The following USP34 variants were observed in gnomAD, a reference collection of about 807,000 sequenced individuals.
USP34 encodes ubiquitin specific peptidase 34, also known as ubiquitin carboxyl-terminal hydrolase 34.
USP34 carries 70 observed loss-of-function variants against 460.3 expected under a neutral mutation model. The observed-to-expected ratio is 0.15, with a 90% confidence interval of 0.13 to 0.19. The LOEUF is 0.19. USP34 is among the 10% of genes least tolerant of loss of function. USP34 has a pLI of 1.00. For missense variants in USP34, 3,985 were observed against 4,236.2 expected (o/e 0.94, Z 1.65); for synonymous variants, 1,647 against 1,405.3 (o/e 1.17, Z -3.85).
chr2:61,260,144 A>C (rs959167789), intron 43 of USP34, among the ~76,000 whole-genome samples: 1 of 152,234 alleles, frequency 6.6e-6, no homozygotes, highest in East Asian at 1.9e-4. Flanking sequence ...AATACATTTG[A>C]AATATTAACC....
intron 43 of USP34, among the ~76,000 whole-genome samples, chr2:61,261,996 CAGG>C (rs1688893692): frequency 6.8e-6 from 1 of 146,144 alleles, no homozygotes; most frequent in South Asian, 2.1e-4. Context: ...GAGGCTGAGG[CAGG>C]AGAACTGCCG....
rs1691914626 is a variant in USP34, at chr2:61,350,546, TATC to T, written c.1377+19_1377+21del. 1 of 1,567,844 alleles carries T rather than the reference TATC, an allele frequency of 6.4e-7. No individual in the cohort carries two copies. Among genetic ancestry groups the T allele is most frequent in the Admixed American group, 2.1e-5 (1 of 47,384 alleles). On this transcript the variant is annotated intron_variant, in intron 11 of 79. Coordinates refer to ENST00000398571, the MANE Select transcript of USP34 (RefSeq NM_014709.4). ...TCACTTCACGGGAAAAAAAAAAAAC[TATC>T]ATGTTTTGAATGTATTACCTGTTCA... is the stretch of plus-strand genomic sequence containing the variant.
At chr2:61,221,706 G>T in intron 65 of USP34, 100 bp from the exon 66 acceptor site, 1 of 1,097,532 alleles carries the variant, frequency 9.1e-7, no homozygotes, top group Non-Finnish European at 1.3e-6. Context: ...ATTTAAATCT[G>T]TGTTAGGGAA....
chr2:61,319,400 A>G, intron 21 of USP34, 73 bp from the exon 22 acceptor site: 1 of 1,129,424 alleles, frequency 8.9e-7, no homozygotes, highest in Non-Finnish European at 1.2e-6. Flanking sequence ...AGGCATGTGT[A>G]TGTACAGTAA....
At chr2:61,415,213 G>T (rs1558581204) in intron 2 of USP34, among the ~76,000 whole-genome samples, 1 of 152,114 alleles carries the variant, frequency 6.6e-6, no homozygotes, top group East Asian at 1.9e-4. Context: ...GATCTGAAGA[G>T]AAGGTAGTAA....
intron 16 of USP34, among the ~76,000 whole-genome samples, chr2:61,341,755 C>CTTTTTTTTTTTTTT (rs896288474): frequency 2.2e-5 from 2 of 91,752 alleles, no homozygotes; most frequent in African/African-American, 8.3e-5. Flanking sequence ...TCAGGTCTTT[C>CTTTTTTTTTTTTTT]TTTTTTTTTT....
chr2:61,401,715 ATTTT>A (rs79669039), intron 3 of USP34, among the ~76,000 whole-genome samples: 1 of 133,814 alleles, frequency 7.5e-6, no homozygotes, highest in Non-Finnish European at 1.6e-5. Context: ...CGCCCTGCTA[ATTTT>A]TTTTTTTTTT....
intron 1 of USP34, among the ~76,000 whole-genome samples, chr2:61,430,132 G>A (rs890680197): frequency 4.0e-5 from 6 of 151,398 alleles, no homozygotes; most frequent in Admixed American, 1.3e-4. Flanking sequence ...GGAGAATGGC[G>A]TGGACCCGAG....
intron 23 of USP34, among the ~76,000 whole-genome samples, chr2:61,315,605 C>T (rs1439291656): frequency 6.6e-6 from 1 of 151,968 alleles, no homozygotes; most frequent in Non-Finnish European, 1.5e-5. Flanking sequence ...GAACTCCCAA[C>T]CTCAGCTGAT....
At chr2:61,383,181 G>T in intron 6 of USP34, 88 bp downstream of exon 6, 2 of 909,836 alleles carry the variant, frequency 2.2e-6, no homozygotes, top group Non-Finnish European at 1.6e-6. Flanking sequence ...ATGACTATAG[G>T]GGACTTTCAA....
chr2:61,276,089 C>T (rs1689364392), intron 41 of USP34, among the ~76,000 whole-genome samples: 2 of 151,914 alleles, frequency 1.3e-5, no homozygotes, highest in Non-Finnish European at 2.9e-5. Flanking sequence ...GGAAAGAAAC[C>T]CATTCACCAA....
At chr2:61,390,236 C>A (rs1275403701) in intron 5 of USP34, among the ~76,000 whole-genome samples, 1 of 152,154 alleles carries the variant, frequency 6.6e-6, no homozygotes, top group Non-Finnish European at 1.5e-5. Flanking sequence ...CTATTGGATT[C>A]TTTATAAATT....
chr2:61,279,822 T>C (rs960061937), intron 39 of USP34, among the ~76,000 whole-genome samples: 6 of 152,200 alleles, frequency 3.9e-5, no homozygotes, highest in African/African-American at 1.4e-4. Context: ...TTTAGTCCAG[T>C]ATAAGAAAAT....
At chr2:61,227,477 G>C (rs564196907) in intron 61 of USP34, among the ~76,000 whole-genome samples, 93 of 152,146 alleles carry the variant, frequency 6.1e-4, no homozygotes, top group Non-Finnish European at 1.1e-3. Context: ...TTGGAAGGCT[G>C]AGGCGGGTGG....
chr2:61,282,452 T>A (rs1689562969), intron 37 of USP34, among the ~76,000 whole-genome samples: 1 of 152,200 alleles, frequency 6.6e-6, no homozygotes, highest in South Asian at 2.1e-4. Context: ...AATATATTTC[T>A]TTTATTTATT....
chr2:61,435,453 C>G (rs968854125), intron 1 of USP34, among the ~76,000 whole-genome samples: 1 of 149,894 alleles, frequency 6.7e-6, no homozygotes, highest in African/African-American at 2.5e-5. Context: ...AGTTAAAGTA[C>G]TAAAAAAAAA....
At chr2:61,309,629 C>G (rs1690524864) in intron 27 of USP34, among the ~76,000 whole-genome samples, 2 of 152,164 alleles carry the variant, frequency 1.3e-5, no homozygotes, top group Admixed American at 6.5e-5. Flanking sequence ...CCTGCTCTCA[C>G]CTCCATGTCC....
intron 48 of USP34, chr2:61,250,298 T>C: frequency 5.4e-6 from 1 of 184,932 alleles, no homozygotes; most frequent in Non-Finnish European, 1.1e-5. Flanking sequence ...AAGAAAAACC[T>C]CAGATTGGAC....
intron 3 of USP34, among the ~76,000 whole-genome samples, chr2:61,402,765 TC>T (rs909270249): frequency 5.9e-5 from 9 of 152,294 alleles, no homozygotes; most frequent in African/African-American, 1.9e-4. Context: ...GACAATTTCC[TC>T]AAAGAAAAGT....
Sources: allele counts gnomAD v4.1 joint callset (sites outside exome capture counted in the v4.1 genomes callset), GRCh38; gene constraint gnomAD v4.1.1; transcripts MANE v1.5; gene names NCBI Gene and HGNC (gene_info 2026-07-23, HGNC 2026-07-21).